TRMT9B: variants seen among roughly 807,000 people sequenced by gnomAD.
TRMT9B encodes probable tRNA methyltransferase 9B.
A neutral mutation model predicts 11.5 loss-of-function variants in TRMT9B; 16 were observed. The observed-to-expected ratio is 1.39, with a 90% confidence interval of 0.94 to 2.11. The LOEUF (loss-of-function observed/expected upper bound fraction) is 2.11, where lower values mean the gene tolerates loss of function less well. Ranked by LOEUF, TRMT9B falls within the 30% of genes most tolerant of loss-of-function variation. The probability of loss-of-function intolerance (pLI) is 0.00; values close to 1 mark genes in which losing one functional copy is unlikely to be tolerated. For synonymous variants in TRMT9B, 274 were observed against 192.4 expected (o/e 1.42, Z -3.51); for missense variants, 941 against 553.8 (o/e 1.70, Z -7.02).
chr8:12,974,196 C>G (rs530382769), intron 1 of TRMT9B, among the ~76,000 whole-genome samples: 1 of 152,032 alleles, frequency 6.6e-6, no homozygotes, highest in East Asian at 1.9e-4. Flanking sequence ...AAGGACTTTT[C>G]TGGCTCCCTA....
chr8:12,996,557 A>G (rs949562917), intron 2 of TRMT9B, among the ~76,000 whole-genome samples: 1 of 152,212 alleles, frequency 6.6e-6, no homozygotes, highest in African/African-American at 2.4e-5. Context: ...TCCAATTTCT[A>G]GCTGCCCAGA....
rs1053041085 is a variant in TRMT9B at position 13,026,846 on chromosome 8, G to A, written c.*4802G>A. On this transcript the variant is annotated 3_prime_UTR_variant, in exon 5 of 5. Transcript: ENST00000524591. ...TTGGCGGAGTATTAGAGCCTTTCAAGGTAAGTGTGATTATCCCCTTTCCAA... is the reference window on the plus strand; with the variant it reads ...TTGGCGGAGTATTAGAGCCTTTCAAAGTAAGTGTGATTATCCCCTTTCCAA... The A allele has an allele frequency of 6.0e-6, 1 of 167,040 alleles. No homozygotes were observed. Among genetic ancestry groups the A allele is most frequent in the Non-Finnish European group, 1.5e-5 (1 of 68,118 alleles). The allele number at this position is 167,040 out of a possible 1,614,324, so 10.3% of individuals were successfully genotyped here.
At chr8:13,000,845 G>A (rs1385714941) in intron 2 of TRMT9B, among the ~76,000 whole-genome samples, 1 of 152,184 alleles carries the variant, frequency 6.6e-6, no homozygotes, top group African/African-American at 2.4e-5. Flanking sequence ...AAACAGAAGT[G>A]AGTTCAAGTG....
At chr8:12,976,799 A>G (rs1002803389) in intron 1 of TRMT9B, among the ~76,000 whole-genome samples, 10 of 152,212 alleles carry the variant, frequency 6.6e-5, no homozygotes, top group Admixed American at 5.2e-4. Context: ...GAAAGACTGG[A>G]TTCCAGAACT....
At chr8:12,961,885 A>G (rs1802164241) in intron 1 of TRMT9B, 1 of 152,184 alleles carries the variant, frequency 6.6e-6, no homozygotes, top group Admixed American at 6.5e-5. Context: ...CATTTCACCC[A>G]GGCTTTTAGC....
chr8:13,004,312 C>T (rs1478502620), intron 2 of TRMT9B, among the ~76,000 whole-genome samples: 1 of 151,836 alleles, frequency 6.6e-6, no homozygotes, highest in East Asian at 2.0e-4. Flanking sequence ...GAGGAGGGAA[C>T]GCCACTACTG....
rs775444404 is a variant in TRMT9B, at chr8:13,021,203, C to T, written c.524C>T (p.Ser175Phe). 6.2e-7 allele frequency: 1 copy of T among 1,613,680 alleles called. No homozygotes were observed. Among genetic ancestry groups the T allele is most frequent in the Non-Finnish European group, 8.5e-7 (1 of 1,179,798 alleles). The change falls in exon 5 of 5, where the codon TCT becomes TTT. Residue 175 changes from serine (S) to phenylalanine (F), a missense_variant. By Grantham distance (155) the Ser-to-Phe change is radical. Coordinates refer to ENST00000524591, the MANE Select transcript of TRMT9B (RefSeq NM_020844.3). The part of the protein sequence containing the change: ...CSQLFSESSQ[S>F]GRKRQCGYPE... Reference sequence around the variant, plus strand: ...CAGCTCTTCTCAGAGTCCAGCCAGTCTGGGAGGAAGAGGCAGTGTGGATAC... The same window carrying T: ...CAGCTCTTCTCAGAGTCCAGCCAGTTTGGGAGGAAGAGGCAGTGTGGATAC...
intron 1 of TRMT9B, among the ~76,000 whole-genome samples, chr8:12,968,652 C>G (rs1803157820): frequency 6.6e-6 from 1 of 152,206 alleles, no homozygotes; most frequent in African/African-American, 2.4e-5. Flanking sequence ...TGGGAGGAGT[C>G]AGTCCTCAGG....
chr8:13,011,778 T>C (rs13258586), intron 3 of TRMT9B: 374,357 of 951,710 alleles, frequency 0.39, 74,681 homozygotes, highest in Middle Eastern at 0.56. Context: ...TAATCTGAGT[T>C]GTATACTGGA....
At chr8:12,965,096 A>G (rs1802638670) in intron 1 of TRMT9B, among the ~76,000 whole-genome samples, 1 of 152,258 alleles carries the variant, frequency 6.6e-6, no homozygotes, top group African/African-American at 2.4e-5. Flanking sequence ...CTTATAGAAT[A>G]CAGTGCAAGC....
Position 12,990,881 on chromosome 8 carries a change from G to A in TRMT9B, c.-152G>A, listed in dbSNP as rs553269192. On this transcript the variant is annotated 5_prime_UTR_variant, in exon 2 of 5. Transcript: ENST00000524591. ...TCACACAAGAGGTTTATCATGAGAA[G>A]GACCGCACTATTTCATTTCACTCCT... The A allele has an allele frequency of 3.9e-6, 5 of 1,289,628 alleles. No individual in the cohort carries two copies. Among genetic ancestry groups the A allele is most frequent in the Admixed American group, 2.3e-5 (1 of 43,548 alleles). The allele number at this position is 1,289,628 out of a possible 1,614,324, so 79.9% of individuals were successfully genotyped here.
intron 1 of TRMT9B, among the ~76,000 whole-genome samples, chr8:12,988,407 A>G (rs1039341046): frequency 4.6e-5 from 7 of 152,346 alleles, no homozygotes; most frequent in Non-Finnish European, 1.0e-4. Context: ...GTATGAATAT[A>G]TGATTACAGT....
chr8:13,028,638 C>T lies in TRMT9B; in HGVS notation c.*6594C>T, dbSNP rs1412117506. On this transcript the variant is annotated 3_prime_UTR_variant, in exon 5 of 5. Transcript: ENST00000524591. Reference sequence around the variant, plus strand: ...TCACCCAGGCTGGAGGGCAGTAGTGCAGTCTCAGCTCATTGCAACCTCTGC... The same window carrying T: ...TCACCCAGGCTGGAGGGCAGTAGTGTAGTCTCAGCTCATTGCAACCTCTGC... 2 of 142,502 alleles carry T rather than the reference C, an allele frequency of 1.4e-5. No individual in the cohort carries two copies. Among genetic ancestry groups the T allele is most frequent in the South Asian group, 2.2e-4 (1 of 4,560 alleles). The allele number at this position is 142,502 out of a possible 1,614,324, so 8.8% of individuals were successfully genotyped here.
intron 2 of TRMT9B, among the ~76,000 whole-genome samples, chr8:13,005,085 C>CAAAAAAAAAAAAAA (rs1223540759): frequency 2.3e-5 from 2 of 87,706 alleles, no homozygotes; most frequent in African/African-American, 8.9e-5. Flanking sequence ...GACTGCATCT[C>CAAAAAAAAAAAAAA]AAAAAAAAAA....
chr8:12,979,878 C>T (rs1805070715), intron 1 of TRMT9B, among the ~76,000 whole-genome samples: 2 of 152,124 alleles, frequency 1.3e-5, no homozygotes, highest in South Asian at 2.1e-4. Flanking sequence ...TGTACAGAAT[C>T]AAGAGAACCT....
intron 1 of TRMT9B, among the ~76,000 whole-genome samples, chr8:12,970,846 G>A (rs541874708): frequency 3.0e-4 from 46 of 152,294 alleles, no homozygotes; most frequent in African/African-American, 1.1e-3. Flanking sequence ...GTGATAAGAA[G>A]AAATTCAAGT....
rs527947669 is a variant in TRMT9B at position 12,984,939 on chromosome 8, C to T, written c.-199-5895C>T. ...GAATTTTTGCATTATCCTCTTACAA[C>T]CACCTCCCTCAACATACACACACAC... is the stretch of plus-strand genomic sequence containing the variant. On this transcript the variant is annotated intron_variant, in intron 1 of 4. Coordinates refer to ENST00000524591, the MANE Select transcript of TRMT9B (RefSeq NM_020844.3). Among the ~76,000 whole-genome samples, 514 of 147,590 alleles carry T rather than the reference C, an allele frequency of 3.5e-3. 1 individual carries two copies. The highest frequency in any genetic ancestry group is 5.9e-3 in the Non-Finnish European group (398 of 67,340).
At chr8:13,016,293 TTATA>T (rs1024055084) in intron 4 of TRMT9B, among the ~76,000 whole-genome samples, 2 of 110,048 alleles carry the variant, frequency 1.8e-5, no homozygotes, top group Non-Finnish European at 1.9e-5. Flanking sequence ...ATTTGTGTGT[TTATA>T]TAACTAGATG....
At chr8:13,006,115 C>T (rs1048740754) in intron 2 of TRMT9B, 87 bp from the exon 3 acceptor site, 11 of 1,330,988 alleles carry the variant, frequency 8.3e-6, no homozygotes, top group Non-Finnish European at 1.1e-5. Flanking sequence ...TTGTAGGCTC[C>T]AGATTTTAGG....
Sources: allele counts gnomAD v4.1 joint callset (sites outside exome capture counted in the v4.1 genomes callset), GRCh38; gene constraint gnomAD v4.1.1; transcripts MANE v1.5; gene names NCBI Gene and HGNC (gene_info 2026-07-23, HGNC 2026-07-21).